KATNIP: variants seen among roughly 807,000 people sequenced by gnomAD.
KATNIP encodes the protein katanin interacting protein, also known as katanin-interacting protein.
Under a neutral mutation model 174.0 loss-of-function variants are expected in KATNIP, and 126 were observed. The observed-to-expected ratio is 0.72, with a 90% CI of 0.63 to 0.84. KATNIP has a LOEUF of 0.84. Among genes scored for constraint, KATNIP ranks in the 40% least tolerant of loss-of-function variants. The pLI, the probability that KATNIP is intolerant of heterozygous loss-of-function variation, is 0.00. For missense variants in KATNIP, 1,958 were observed against 2,109.7 expected (o/e 0.93, Z 1.41); for synonymous variants, 810 against 835.7 (o/e 0.97, Z 0.53).
At chr16:27,726,824 G>A (rs1433547629) in intron 14 of KATNIP, among the ~76,000 whole-genome samples, 5 of 152,180 alleles carry the variant, frequency 3.3e-5, no homozygotes, top group East Asian at 1.9e-4. Flanking sequence ...AAGGCCCTGC[G>A]GCAGGAGTTT....
In KATNIP at chr16:27,550,147, C is replaced by G. The variant is rs963234710; in HGVS notation, c.-24C>G. On this transcript the variant is annotated 5_prime_UTR_variant, in exon 1 of 28. Coordinates refer to ENST00000261588, the MANE Select transcript of KATNIP (RefSeq NM_015202.5). ...GTGTAGAGGCCGCTTCCGGTTCGAG[C>G]TCCCGGAACCGCCGCCTCTAGGGAT... 6.2e-7 allele frequency: 1 copy of G among 1,612,508 alleles called. No homozygotes were observed. The highest frequency in any genetic ancestry group is 8.5e-7 in the Non-Finnish European group (1 of 1,178,962).
At chr16:27,739,852 A>G (rs1434939474) in intron 14 of KATNIP, among the ~76,000 whole-genome samples, 189 bp from the exon 15 acceptor site, 1 of 152,230 alleles carries the variant, frequency 6.6e-6, no homozygotes, top group Non-Finnish European at 1.5e-5. Context: ...TTTGATTTAT[A>G]GAGTATGTAG....
chr16:27,554,789 CTTTT>C (rs563621813), intron 1 of KATNIP, among the ~76,000 whole-genome samples: 2 of 77,800 alleles, frequency 2.6e-5, no homozygotes, highest in Admixed American at 1.6e-4. Context: ...TTGATTTACA[CTTTT>C]TTTTTTTTTT....
chr16:27,655,199 TATATATATATATATATATATATATATA>T (rs2077234460), intron 6 of KATNIP, among the ~76,000 whole-genome samples: 3 of 108,226 alleles, frequency 2.8e-5, no homozygotes, highest in African/African-American at 1.4e-4. Context: ...TATATATATA[TATATATATATATATATATATATATATA>T]TATTTTGTTT....
At chr16:27,666,724 T>A (rs1567275723) in intron 6 of KATNIP, among the ~76,000 whole-genome samples, 1 of 152,190 alleles carries the variant, frequency 6.6e-6, no homozygotes, top group Non-Finnish European at 1.5e-5. Flanking sequence ...GGGAATGCGA[T>A]TTTTAAAATA....
At chr16:27,554,239 G>A (rs530729748) in intron 1 of KATNIP, among the ~76,000 whole-genome samples, 2 of 152,260 alleles carry the variant, frequency 1.3e-5, no homozygotes, top group South Asian at 2.1e-4. Context: ...CAAGGTGGGC[G>A]ATCACCTGAG....
At chr16:27,682,430 A>G (rs992034092) in intron 8 of KATNIP, among the ~76,000 whole-genome samples, 4 of 152,188 alleles carry the variant, frequency 2.6e-5, no homozygotes, top group Non-Finnish European at 4.4e-5. Flanking sequence ...TTACATTTCA[A>G]CAAGATTCTT....
rs1567266628 is a variant in KATNIP, at chr16:27,659,952, A to G, written c.540+11217A>G. On this transcript the variant is annotated intron_variant, in intron 6 of 27. Transcript: ENST00000261588. ...GCACCCCCAGTTTGGCCTGGTCCCC[A>G]CTACCTATTGTACAACACTGTGGTT... 4 of 974,734 alleles carry G rather than the reference A, an allele frequency of 4.1e-6. No individual in the cohort carries two copies. The Admixed American group carries it at 1.8e-4, about 45-fold the overall frequency. 60.4% of individuals were successfully genotyped at this position (974,734 alleles called of 1,614,324 possible).
chr16:27,778,154 T>C (rs574217839), intron 27 of KATNIP, among the ~76,000 whole-genome samples, 185 bp downstream of exon 27: 1 of 152,264 alleles, frequency 6.6e-6, no homozygotes, highest in East Asian at 1.9e-4. Context: ...AGCAACATGC[T>C]TCCATCTTCT....
rs766297678 is a variant in KATNIP at position 27,628,816 on chromosome 16, C to A, written c.296C>A (p.Thr99Lys). Residue 99 changes from threonine to lysine, a missense_variant, in exon 4 of 28, where the codon ACG becomes AAG. Physicochemically the swap from Thr to Lys is moderately conservative, Grantham distance 78 (BLOSUM62 -1). Around this residue, in one of 3 missense-constraint regions of KATNIP, gnomAD observed 1,557 missense variants for 1,617.8 expected, o/e 0.96. Transcript: ENST00000261588. ...HSDFSRSASH[T>K]EGTHDYGRRT... ...GACTTCTCCAGAAGTGCCTCCCACA[C>A]GGAGGGGACACACGGTGAGCACAGG... The A allele has an allele frequency of 6.2e-7, 1 of 1,614,080 alleles. No individual in the cohort carries two copies.
chr16:27,694,667 A>G (rs9938392), intron 8 of KATNIP, among the ~76,000 whole-genome samples: 28,234 of 151,840 alleles, frequency 0.19, 2,855 homozygotes, highest in African/African-American at 0.28. Context: ...ATGGTGGCGC[A>G]TGCTTGTAGT....
At chr16:27,559,290 A>G (rs1027348824) in intron 1 of KATNIP, among the ~76,000 whole-genome samples, 11 of 152,220 alleles carry the variant, frequency 7.2e-5, no homozygotes, top group African/African-American at 2.4e-4. Flanking sequence ...GCTCCCCTCC[A>G]GTCTCATCTT....
chr16:27,658,621 C>G (rs1205793589), intron 6 of KATNIP, among the ~76,000 whole-genome samples: 5 of 152,006 alleles, frequency 3.3e-5, no homozygotes, highest in Admixed American at 3.3e-4. Context: ...TGGGGTCTGC[C>G]CTTCTCTTTG....
At position 27,774,943 on chromosome 16, in the gene KATNIP, A is replaced by G. The variant is rs760234960; in HGVS notation, c.4310-2A>G. 1.4e-5 allele frequency: 23 copies of G among 1,613,810 alleles called. No homozygotes were observed. The highest frequency in any genetic ancestry group is 1.7e-4 in the Middle Eastern group (1 of 6,058). ...GTTATGGCAACTTAGACGTCTCCTC[A>G]GATATTGCGGCCTTCCCCGACAGCG... On this transcript the variant is annotated splice_acceptor_variant, in intron 23 of 27. Coordinates refer to ENST00000261588, the MANE Select transcript of KATNIP (RefSeq NM_015202.5). LOFTEE classifies it high-confidence loss of function.
intron 13 of KATNIP, among the ~76,000 whole-genome samples, chr16:27,715,380 A>G (rs1247943621): frequency 1.3e-5 from 2 of 152,244 alleles, no homozygotes; most frequent in East Asian, 1.9e-4. Flanking sequence ...GAATTTGTCA[A>G]TGAAGTCTTA....
chr16:27,773,926 G>T (rs2082401371), intron 23 of KATNIP, among the ~76,000 whole-genome samples: 1 of 152,134 alleles, frequency 6.6e-6, no homozygotes. Flanking sequence ...CAACAATCTT[G>T]TGAGGTGATT....
chr16:27,627,550 C>G (rs897299355), intron 3 of KATNIP, among the ~76,000 whole-genome samples: 1 of 152,160 alleles, frequency 6.6e-6, no homozygotes, highest in Non-Finnish European at 1.5e-5. Context: ...AGGCACCTGA[C>G]CCTGTATTTC....
intron 2 of KATNIP, among the ~76,000 whole-genome samples, chr16:27,583,263 G>A (rs577360137): frequency 1.3e-5 from 2 of 152,282 alleles, no homozygotes; most frequent in East Asian, 3.9e-4. Context: ...AGATAATGTT[G>A]ACAGCTTCCC....
intron 2 of KATNIP, among the ~76,000 whole-genome samples, chr16:27,591,797 G>A (rs1361809351): frequency 6.6e-6 from 1 of 152,110 alleles, no homozygotes; most frequent in Non-Finnish European, 1.5e-5. Context: ...CATAATGTTA[G>A]CTCATACTGA....
Sources: gnomAD v4.1 joint callset for allele counts (sites outside exome capture counted in the v4.1 genomes callset) on GRCh38, gnomAD v4.1.1 for gene constraint, gnomAD v4.1.1 regional missense constraint, MANE v1.5 for transcripts, NCBI Gene and HGNC (gene_info 2026-07-23, HGNC 2026-07-21) for gene names.